Variants in ALPK3 observed in about 807,000 individuals in gnomAD.
ALPK3 encodes the protein alpha kinase 3.
A neutral mutation model predicts 140.0 loss-of-function variants in ALPK3; 102 were observed. That is an observed-to-expected ratio of 0.73 (90% CI 0.62 to 0.86). The LOEUF (loss-of-function observed/expected upper bound fraction) is 0.86, where lower values mean the gene tolerates loss of function less well. Among genes scored for constraint, ALPK3 ranks in the 40% least tolerant of loss-of-function variants. The pLI is 0.00. For missense variants in ALPK3, 2,254 were observed against 2,208.2 expected (o/e 1.02, Z -0.42); for synonymous variants, 938 against 898.5 (o/e 1.04, Z -0.79).
intron 5 of ALPK3, among the ~76,000 whole-genome samples, chr15:84,844,715 G>T (rs1178495420): frequency 6.6e-6 from 1 of 152,102 alleles, no homozygotes; most frequent in Non-Finnish European, 1.5e-5. Flanking sequence ...AACTTAGCTG[G>T]GTGTGGTGAT....
intron 3 of ALPK3, among the ~76,000 whole-genome samples, chr15:84,829,680 C>A (rs1289300462): frequency 6.6e-6 from 1 of 152,176 alleles, no homozygotes; most frequent in Non-Finnish European, 1.5e-5. Context: ...GCGCGTGCCA[C>A]CACACCCATG....
intron 13 of ALPK3, 101 bp from the exon 14 acceptor site, chr15:84,868,010 C>T: frequency 8.3e-7 from 1 of 1,211,714 alleles, no homozygotes; most frequent in South Asian, 1.4e-5. Flanking sequence ...TAGGATGTAC[C>T]CTGAGCACGA....
chr15:84,859,639 C>T, intron 7 of ALPK3, 137 bp from the exon 8 acceptor site: 1 of 1,367,932 alleles, frequency 7.3e-7, no homozygotes, highest in South Asian at 1.5e-5. Flanking sequence ...CAGCTCTTGG[C>T]CCTGGAATCG....
At chr15:84,826,473 G>A (rs1963490582) in intron 2 of ALPK3, among the ~76,000 whole-genome samples, 1 of 152,126 alleles carries the variant, frequency 6.6e-6, no homozygotes, top group Admixed American at 6.5e-5. Context: ...GGGAGGGAGG[G>A]CCGGGCACGG....
At chr15:84,833,443 G>A (rs1963565186) in intron 3 of ALPK3, among the ~76,000 whole-genome samples, 1 of 152,220 alleles carries the variant, frequency 6.6e-6, no homozygotes, top group Admixed American at 6.5e-5. Flanking sequence ...AGAAGGTTCT[G>A]CAAACTAAAG....
rs1391683025 is a variant in ALPK3 at position 84,859,244 on chromosome 15, C to T, written c.3819C>T (p.Ala1273=). The part of the protein sequence containing the change: ...KPRKAKDLLK[A]PQVIRKIRVE... ...CTCTTGACTGGGCCCTGCTCTCAGC[C>T]CCACAGGTGATCCGGAAGATTCGGG... The change falls in exon 7 of 14, where the codon GCC becomes GCT. Residue 1273 remains alanine, a splice_region_variant and synonymous_variant. Coordinates refer to ENST00000258888, the MANE Select transcript of ALPK3 (RefSeq NM_020778.5). 1.2e-6 allele frequency: 2 copies of T among 1,614,008 alleles called. No homozygotes were observed. The highest frequency in any genetic ancestry group is 1.1e-5 in the South Asian group (1 of 91,080).
rs960245259 is a variant in ALPK3, at chr15:84,870,108, A to G, written c.*1652A>G. 6.6e-6 allele frequency: 1 copy of G among 152,224 alleles called. No individual in the cohort carries two copies. Among genetic ancestry groups the G allele is most frequent in the African/African-American group, 2.4e-5 (1 of 41,464 alleles). The allele number at this position is 152,224 out of a possible 1,614,324, so 9.4% of individuals were successfully genotyped here. A position where few individuals can be genotyped will look rare whatever the true frequency, so the allele number is the denominator to read the frequency against. On this transcript the variant is annotated 3_prime_UTR_variant, in exon 14 of 14. Coordinates refer to ENST00000258888, the MANE Select transcript of ALPK3 (RefSeq NM_020778.5). ...AGCAAGACCAGCCCAGGAGCCCACC[A>G]GCACCTGCCTCTCAGCTACTTGCTG...
At position 84,868,446 on chromosome 15, in the gene ALPK3, G is replaced by A. The variant is rs1239606869; in HGVS notation, c.5108G>A (p.Gly1703Asp). 6 of 1,606,888 alleles carry A rather than the reference G, an allele frequency of 3.7e-6. No homozygotes were observed. The African/African-American group carries it at 8.0e-5, about 21-fold the overall frequency. Residue 1703 changes from glycine (G) to aspartate (D), a missense_variant, in exon 14 of 14, where the codon GGC becomes GAC. Physicochemically the swap from Gly to Asp is moderately conservative, Grantham distance 94. Around this residue, in one of 3 missense-constraint regions of ALPK3, gnomAD observed 158 missense variants for 159.8 expected, o/e 0.99. Coordinates refer to ENST00000258888, the MANE Select transcript of ALPK3 (RefSeq NM_020778.5). ...CAAGAGGAGGGCTCCAAGGCCCAGG[G>A]CATGCGGTAGCCTCCGCAGAGGCTG... ...PTQEEGSKAQ[G>D]MR is the part of the protein sequence containing the mutation.
chr15:84,857,480 G>A lies in ALPK3; in HGVS notation c.2742G>A (p.Leu914=). 6.2e-7 allele frequency: 1 copy of A among 1,607,686 alleles called. No homozygotes were observed. The change falls in exon 6 of 14, where the codon CTG becomes CTA. Residue 914 remains leucine (L), a synonymous_variant. Coordinates refer to ENST00000258888, the MANE Select transcript of ALPK3 (RefSeq NM_020778.5). ...TGAGTTCTGCCCCAACACTGCACCT[G>A]GGGCTGGGGACCCCCACTCAGAGTC... is the stretch of plus-strand genomic sequence containing the variant. ...VLMSSAPTLH[L]GLGTPTQSHP... is the part of the protein sequence containing the mutation.
chr15:84,852,259 A>G (rs1353016668), intron 5 of ALPK3, among the ~76,000 whole-genome samples: 2 of 152,200 alleles, frequency 1.3e-5, no homozygotes, highest in Non-Finnish European at 1.5e-5. Context: ...CTGAGATACC[A>G]GGACAGTTGA....
At chr15:84,820,724 T>C (rs1963412463) in intron 1 of ALPK3, among the ~76,000 whole-genome samples, 1 of 152,176 alleles carries the variant, frequency 6.6e-6, no homozygotes, top group Admixed American at 6.5e-5. Context: ...TCAGGTGAAC[T>C]GCCTGCCTCG....
chr15:84,853,807 A>G (rs960378300), intron 5 of ALPK3, among the ~76,000 whole-genome samples: 1 of 151,856 alleles, frequency 6.6e-6, no homozygotes, highest in Non-Finnish European at 1.5e-5. Context: ...CTTATTCCTG[A>G]TATTCGCCAA....
At chr15:84,828,380 G>T (rs1963511990) in intron 3 of ALPK3, among the ~76,000 whole-genome samples, 1 of 152,146 alleles carries the variant, frequency 6.6e-6, no homozygotes, top group African/African-American at 2.4e-5. Context: ...TCCAGACATT[G>T]CCTCTCCCCC....
In ALPK3 at chr15:84,864,447, T is replaced by C. The variant is rs772476697; in HGVS notation, c.4505T>C (p.Ile1502Thr). Residue 1502 changes from isoleucine to threonine, a missense_variant, in exon 12 of 14, where the codon ATC (isoleucine) becomes ACC (threonine). Physicochemically the swap from Ile to Thr is moderately conservative, Grantham distance 89. This residue lies in a region of ALPK3 where 2,088 missense variants were observed against 2,022.9 expected (regional missense o/e 1.03). Coordinates refer to ENST00000258888, the MANE Select transcript of ALPK3 (RefSeq NM_020778.5). ...CAGGGTGAAACTATGTTTAGGATCATCCCACTGTATCTGATCTACCGGCCT... is the reference window on the plus strand; with the variant it reads ...CAGGGTGAAACTATGTTTAGGATCACCCCACTGTATCTGATCTACCGGCCT... ...APGFGEVPEI[I>T]PLYLIYRPAN... 3.7e-6 allele frequency: 6 copies of C among 1,613,936 alleles called. No homozygotes were observed. The highest frequency in any genetic ancestry group is 5.1e-6 in the Non-Finnish European group (6 of 1,179,836).
In ALPK3 at chr15:84,839,088, A is replaced by G; in HGVS notation, c.413A>G (p.Gln138Arg). The stretch of plus-strand genomic sequence containing the variant: ...CATCAGGGCAACCGCCACACACTGC[A>G]GCTGTACAGGTGAGGGAGAAGGGCC... ...ITHQGNRHTL[Q>R]LYRCREEDAA... Residue 138 changes from glutamine (Q) to arginine (R), a missense_variant, in exon 4 of 14, where the codon CAG (glutamine) becomes CGG (arginine). Coordinates refer to ENST00000258888, the MANE Select transcript of ALPK3 (RefSeq NM_020778.5). The G allele has an allele frequency of 6.2e-7, 1 of 1,607,982 alleles. No individual in the cohort carries two copies. The highest frequency in any genetic ancestry group is 8.5e-7 in the Non-Finnish European group (1 of 1,176,968).
intron 3 of ALPK3, among the ~76,000 whole-genome samples, chr15:84,836,487 G>C (rs1596148647): frequency 1.3e-5 from 2 of 152,200 alleles, no homozygotes; most frequent in African/African-American, 4.8e-5. Flanking sequence ...TCAGATTCTA[G>C]ATATATTCTA....
intron 3 of ALPK3, among the ~76,000 whole-genome samples, chr15:84,836,101 G>T (rs914349224): frequency 3.9e-5 from 6 of 152,240 alleles, no homozygotes; most frequent in African/African-American, 1.4e-4. Context: ...TTTACACGGG[G>T]TGGAAGGGAA....
At chr15:84,855,696 A>C (rs945012755) in intron 5 of ALPK3, among the ~76,000 whole-genome samples, 4 of 152,202 alleles carry the variant, frequency 2.6e-5, no homozygotes, top group Non-Finnish European at 5.9e-5. Context: ...TGTCATTGTT[A>C]TCTCTAGAAT....
rs963399216 is a variant in ALPK3, at chr15:84,870,926, A to G, written c.*2470A>G. 1 of 152,238 alleles carries G rather than the reference A, an allele frequency of 6.6e-6. No individual in the cohort carries two copies. The highest frequency in any genetic ancestry group is 1.5e-5 in the Non-Finnish European group (1 of 68,040). 9.4% of individuals were successfully genotyped at this position (152,238 alleles called of 1,614,324 possible). ...GACTCTCCCACAGGTAACCAAAACC[A>G]CATTTCTCTCTGCTTAGGGAATTCA... On this transcript the variant is annotated 3_prime_UTR_variant, in exon 14 of 14. Coordinates refer to ENST00000258888, the MANE Select transcript of ALPK3 (RefSeq NM_020778.5).
Sources: allele counts gnomAD v4.1 joint callset (sites outside exome capture counted in the v4.1 genomes callset), GRCh38; gene constraint gnomAD v4.1.1; regional missense constraint gnomAD v4.1.1; transcripts MANE v1.5; gene names NCBI Gene and HGNC (gene_info 2026-07-23, HGNC 2026-07-21).